TCAIM: variants seen among roughly 807,000 people sequenced by gnomAD.
TCAIM encodes T cell activation inhibitor, mitochondrial.
Under a neutral mutation model 58.6 loss-of-function variants are expected in TCAIM, and 36 were observed. The ratio of observed to expected loss-of-function variants is 0.61; its 90% CI spans 0.47 to 0.81. The LOEUF (loss-of-function observed/expected upper bound fraction) is 0.81, where lower values mean the gene tolerates loss of function less well. Ranked by LOEUF, TCAIM falls within the 30% of genes least tolerant of loss-of-function variation. The pLI is 0.00. For synonymous variants in TCAIM, 172 were observed against 193.6 expected (o/e 0.89, Z 0.93); for missense variants, 466 against 579.6 (o/e 0.80, Z 2.01).
intron 6 of TCAIM, 21 bp from the exon 7 acceptor site, chr3:44,396,379 G>A (rs542337576): frequency 3.7e-5 from 60 of 1,604,050 alleles, no homozygotes; most frequent in South Asian, 3.0e-4. Flanking sequence ...GTTAACATGA[G>A]TGTGTGCTCT....
Position 44,401,189 on chromosome 3 carries a change from A to G in TCAIM, c.1119-14A>G. The G allele has an allele frequency of 1.9e-6, 3 of 1,613,442 alleles. No individual in the cohort carries two copies. Among genetic ancestry groups the G allele is most frequent in the East Asian group, 2.2e-5 (1 of 44,850 alleles). ...GGGTCAGTGGTTTTTCCTTTAATGT[A>G]TATTTTATTGCAGTGACAGATATGC... On this transcript the variant is annotated splice_polypyrimidine_tract_variant and intron_variant, in intron 9 of 10. Coordinates refer to ENST00000342649, the MANE Select transcript of TCAIM (RefSeq NM_173826.4).
chr3:44,387,201 C>G (rs1701757270), intron 5 of TCAIM, among the ~76,000 whole-genome samples: 1 of 152,214 alleles, frequency 6.6e-6, no homozygotes, highest in African/African-American at 2.4e-5. Context: ...CTGCTGAAAG[C>G]TGGACACTCG....
At position 44,407,715 on chromosome 3, in the gene TCAIM, A is replaced by T; in HGVS notation, c.*33A>T. ...ATCTGTTTTATTTTTTTAAGAGATAAGAAAGGAACTTAAATTAAAAATATT... is the reference window on the plus strand; with the variant it reads ...ATCTGTTTTATTTTTTTAAGAGATATGAAAGGAACTTAAATTAAAAATATT... On this transcript the variant is annotated 3_prime_UTR_variant, in exon 11 of 11. Coordinates refer to ENST00000342649, the MANE Select transcript of TCAIM (RefSeq NM_173826.4). 6.5e-7 allele frequency: 1 copy of T among 1,532,256 alleles called. No homozygotes were observed. The highest frequency in any genetic ancestry group is 8.8e-7 in the Non-Finnish European group (1 of 1,142,032). The allele number at this position is 1,532,256 out of a possible 1,614,324, so 94.9% of individuals were successfully genotyped here.
At chr3:44,387,867 CAGAG>C (rs1439688542) in intron 5 of TCAIM, among the ~76,000 whole-genome samples, 4 of 152,058 alleles carry the variant, frequency 2.6e-5, no homozygotes, top group African/African-American at 9.7e-5. Context: ...GCCTGGGCAA[CAGAG>C]AAAGTCCCTG....
At chr3:44,371,020 C>T (rs1339706999) in intron 5 of TCAIM, among the ~76,000 whole-genome samples, 1 of 151,558 alleles carries the variant, frequency 6.6e-6, no homozygotes, top group African/African-American at 2.4e-5. Context: ...AAGCATTCTC[C>T]TGCCTCAGCC....
At chr3:44,340,046 A>G (rs1700824863) in intron 1 of TCAIM, 3 of 152,248 alleles carry the variant, frequency 2.0e-5, no homozygotes, top group South Asian at 2.1e-4. Context: ...TAAGTGCAGT[A>G]TGGACAGGAA....
At chr3:44,386,209 CAAAAAAAAAA>C (rs10576012) in intron 5 of TCAIM, among the ~76,000 whole-genome samples, 2 of 54,976 alleles carry the variant, frequency 3.6e-5, no homozygotes, top group South Asian at 9.0e-4. Flanking sequence ...CCAGAAGCTC[CAAAAAAAAAA>C]AAAAAAAAAA....
rs779590807 is a variant in TCAIM at position 44,367,671 on chromosome 3, G to C, written c.535G>C (p.Asp179His). ...TACTGGATTCAAGGACCCTGATGAA[G>C]ACCTTGAACAAGTCTCGAGAGTGGA... ...SFTGFKDPDE[D>H]LEQVSRVETT... Residue 179 changes from aspartate (D) to histidine (H), a missense_variant, in exon 5 of 11, where the codon GAC becomes CAC. Coordinates refer to ENST00000342649, the MANE Select transcript of TCAIM (RefSeq NM_173826.4). 2 of 1,613,746 alleles carry C rather than the reference G, an allele frequency of 1.2e-6. No homozygotes were observed. Among genetic ancestry groups the C allele is most frequent in the East Asian group, 2.2e-5 (1 of 44,840 alleles).
intron 1 of TCAIM, among the ~76,000 whole-genome samples, chr3:44,345,093 T>G (rs545556702): frequency 9.9e-5 from 15 of 152,130 alleles, no homozygotes; most frequent in African/African-American, 3.1e-4. Flanking sequence ...TGAAAATTTT[T>G]GGGGGTGGTA....
chr3:44,397,545 C>T (rs191709971), intron 8 of TCAIM, among the ~76,000 whole-genome samples: 1 of 152,292 alleles, frequency 6.6e-6, no homozygotes, highest in Admixed American at 6.5e-5. Flanking sequence ...TGTTGATGAA[C>T]ATAGGGTCGT....
At chr3:44,361,276 C>T in intron 3 of TCAIM, 89 bp from the exon 4 acceptor site, 3 of 1,135,668 alleles carry the variant, frequency 2.6e-6, no homozygotes, top group South Asian at 2.0e-5. Flanking sequence ...ATTTAATACT[C>T]TCAATGTGTT....
At chr3:44,365,433 A>G (rs958071784) in intron 4 of TCAIM, among the ~76,000 whole-genome samples, 3 of 151,936 alleles carry the variant, frequency 2.0e-5, no homozygotes, top group African/African-American at 2.4e-5. Flanking sequence ...GGTTCAAGTG[A>G]TTCTCCTGCC....
intron 4 of TCAIM, among the ~76,000 whole-genome samples, chr3:44,361,732 T>A (rs1456268200): frequency 6.6e-6 from 1 of 152,240 alleles, no homozygotes; most frequent in Non-Finnish European, 1.5e-5. Flanking sequence ...TTTCTAAAAC[T>A]AAAGTGTTCC....
chr3:44,407,495 T>G lies in TCAIM; in HGVS notation c.1304T>G (p.Leu435Trp). Residue 435 changes from leucine (L) to tryptophan (W), a missense_variant, in exon 11 of 11, where the codon TTG becomes TGG. Physicochemically the swap from Leu to Trp is moderately conservative, Grantham distance 61. Coordinates refer to ENST00000342649, the MANE Select transcript of TCAIM (RefSeq NM_173826.4). Reference sequence around the variant, plus strand: ...CAGGCATCAACAAAGAAATTTTCTTTGGAGAAGTTATATAAAGAGCCCAGC... The same window carrying G: ...CAGGCATCAACAAAGAAATTTTCTTGGGAGAAGTTATATAAAGAGCCCAGC... ...LIQASTKKFSLEKLYKEPSIS... is the reference protein window; with the variant it reads ...LIQASTKKFSWEKLYKEPSIS... The G allele has an allele frequency of 6.2e-7, 1 of 1,612,098 alleles. No homozygotes were observed. The highest frequency in any genetic ancestry group is 2.2e-5 in the East Asian group (1 of 44,824).
intron 10 of TCAIM, among the ~76,000 whole-genome samples, chr3:44,402,738 A>G (rs1428305372): frequency 6.6e-6 from 1 of 152,086 alleles, no homozygotes; most frequent in African/African-American, 2.4e-5. Context: ...GGAAGAGCCA[A>G]AGCTGACACC....
chr3:44,377,733 C>T (rs1258795394), intron 5 of TCAIM, among the ~76,000 whole-genome samples: 2 of 152,002 alleles, frequency 1.3e-5, no homozygotes, highest in Non-Finnish European at 2.9e-5. Context: ...GGAAATTTCA[C>T]AAAATTGTGG....
intron 2 of TCAIM, among the ~76,000 whole-genome samples, chr3:44,356,260 C>T (rs888573136): frequency 9.2e-5 from 14 of 152,212 alleles, no homozygotes; most frequent in African/African-American, 3.4e-4. Flanking sequence ...GGCACAGTGG[C>T]TCACGCCTGT....
chr3:44,383,910 G>T (rs1373806226), intron 5 of TCAIM, among the ~76,000 whole-genome samples: 1 of 151,174 alleles, frequency 6.6e-6, no homozygotes, highest in Non-Finnish European at 1.5e-5. Flanking sequence ...GTAAGACCCT[G>T]TCTTTAAAAA....
At chr3:44,341,720 G>A (rs9883085) in intron 1 of TCAIM, among the ~76,000 whole-genome samples, 1,544 of 152,220 alleles carry the variant, frequency 0.01, 24 homozygotes, top group African/African-American at 0.036. Context: ...CATAATAATA[G>A]TTGCAACTGT....
Sources: gnomAD v4.1 joint callset for allele counts (sites outside exome capture counted in the v4.1 genomes callset) on GRCh38, gnomAD v4.1.1 for gene constraint, MANE v1.5 for transcripts, NCBI Gene and HGNC (gene_info 2026-07-23, HGNC 2026-07-21) for gene names.